The following EFNB2 variants were observed in gnomAD, a reference collection of about 807,000 sequenced individuals.
EFNB2 encodes the protein ephrin-B2.
In EFNB2, 5 loss-of-function variants were observed where a neutral mutation model predicts 32.1. The ratio of observed to expected loss-of-function variants is 0.16; its 90% CI spans 0.08 to 0.33. The LOEUF is 0.33. Ranked by LOEUF, EFNB2 falls within the 10% of genes least tolerant of loss-of-function variation. The pLI is 1.00. For synonymous variants in EFNB2, 168 were observed against 166.5 expected (o/e 1.01, Z -0.07); for missense variants, 263 against 422.6 (o/e 0.62, Z 3.31).
At chr13:106,503,038 G>A (rs1878834838) in intron 2 of EFNB2, among the ~76,000 whole-genome samples, 1 of 152,100 alleles carries the variant, frequency 6.6e-6, no homozygotes. Context: ...TTTTTTGTTT[G>A]TTTGTTTTGC....
At chr13:106,501,564 G>A (rs942113533) in intron 2 of EFNB2, among the ~76,000 whole-genome samples, 18 of 150,896 alleles carry the variant, frequency 1.2e-4, no homozygotes, top group African/African-American at 4.4e-4. Flanking sequence ...GGCCTCACTT[G>A]AAGAAAGAAA....
rs958782701 is a variant in EFNB2 at position 106,534,851 on chromosome 13, C to A, written c.114G>T (p.Ser38=). 8 of 1,611,432 alleles carry A rather than the reference C, an allele frequency of 5.0e-6. No homozygotes were observed. Among genetic ancestry groups the A allele is most frequent in the Middle Eastern group, 3.3e-4 (2 of 6,074 alleles). Reference sequence around the variant, plus strand: ...TCGCGGACGCCACTTACTTGGAGTTCGAGGAATTCCAATAGATAGGCTCTA... The same window carrying A: ...TCGCGGACGCCACTTACTTGGAGTTAGAGGAATTCCAATAGATAGGCTCTA... ...IVLEPIYWNS[S]NSKFLPGQGL... The change falls in exon 1 of 5, where the codon TCG becomes TCT. Residue 38 remains serine, a synonymous_variant. Transcript: ENST00000646441.
chr13:106,530,748 G>A (rs1444352872), intron 1 of EFNB2, among the ~76,000 whole-genome samples: 2 of 152,016 alleles, frequency 1.3e-5, no homozygotes, highest in African/African-American at 4.8e-5. Flanking sequence ...CTAAAACGTC[G>A]CCCGAAGTTT....
chr13:106,524,398 C>T (rs976747040), intron 1 of EFNB2, among the ~76,000 whole-genome samples: 4 of 152,194 alleles, frequency 2.6e-5, no homozygotes, highest in South Asian at 2.1e-4. Flanking sequence ...TTTAAATCCA[C>T]TTATTAGTTC....
At position 106,495,015 on chromosome 13, in the gene EFNB2, T is replaced by TTA. The variant is rs768416699; in HGVS notation, c.500-22_500-21insTA. The TTA allele has an allele frequency of 3.2e-6, 5 of 1,583,246 alleles. No individual in the cohort carries two copies. The African/African-American group carries it at 5.4e-5, about 17-fold the overall frequency. ...TGCATCTATATGAAAAACAAATGAT[T>TTA]AATTACGGCACAGACATCTGACAAT... On this transcript the variant is annotated intron_variant, in intron 3 of 4. Transcript: ENST00000646441.
intron 1 of EFNB2, among the ~76,000 whole-genome samples, chr13:106,523,565 G>A (rs1463955470): frequency 1.3e-5 from 2 of 152,158 alleles, no homozygotes; most frequent in East Asian, 3.9e-4. Context: ...GCGGCTGCAT[G>A]GTCTCCAGGT....
In EFNB2 at chr13:106,498,574, A is replaced by G. The variant is rs1337119449; in HGVS notation, c.407-2734T>C. ...TTGGAATCTATAATTTAACATCCAC[A>G]GACTATAAGACAGTAGGAGGAAGGC... is the stretch of plus-strand genomic sequence containing the variant. On this transcript the variant is annotated intron_variant, in intron 2 of 4. Coordinates refer to ENST00000646441, the MANE Select transcript of EFNB2 (RefSeq NM_004093.4). Among the ~76,000 whole-genome samples, 5 of 152,222 alleles carry G rather than the reference A, an allele frequency of 3.3e-5. No individual in the cohort carries two copies. In the East Asian group the frequency reaches 9.6e-4, roughly 29 times the overall value.
intron 1 of EFNB2, among the ~76,000 whole-genome samples, chr13:106,534,313 C>T (rs965261639): frequency 3.9e-5 from 6 of 152,178 alleles, no homozygotes; most frequent in Non-Finnish European, 8.8e-5. Flanking sequence ...TGCCAAGGCG[C>T]CCCGGCTCCA....
At position 106,493,921 on chromosome 13, in the gene EFNB2, A is replaced by G. The variant is rs1878503983; in HGVS notation, c.614-493T>C. ...CAGAACAGCTCGGGAACGCGGAAGGAGTGAGGGGGCCTGGGAAAATGTTCA... is the reference window on the plus strand; with the variant it reads ...CAGAACAGCTCGGGAACGCGGAAGGGGTGAGGGGGCCTGGGAAAATGTTCA... On this transcript the variant is annotated intron_variant, in intron 4 of 4. Transcript: ENST00000646441. This position sits in a 1 kb window ranked among gnomAD's most constrained non-coding sequence, Gnocchi z 6.1. 6.6e-6 allele frequency among the ~76,000 whole-genome samples: 1 copy of G among 152,216 alleles called. No homozygotes were observed. Among genetic ancestry groups the G allele is most frequent in the East Asian group, 1.9e-4 (1 of 5,204 alleles).
intron 2 of EFNB2, among the ~76,000 whole-genome samples, chr13:106,499,314 C>T (rs1192830329): frequency 6.6e-6 from 1 of 151,856 alleles, no homozygotes; most frequent in East Asian, 1.9e-4. Context: ...TCCTTCCTGG[C>T]AGCGAACTCT....
chr13:106,510,419 C>T (rs1879101817), intron 2 of EFNB2, among the ~76,000 whole-genome samples: 2 of 152,230 alleles, frequency 1.3e-5, no homozygotes, highest in African/African-American at 4.8e-5. Flanking sequence ...TCCACTTGCG[C>T]CCAGTGCGAA....
At chr13:106,510,855 T>C (rs1169532450) in intron 2 of EFNB2, among the ~76,000 whole-genome samples, 10 of 151,954 alleles carry the variant, frequency 6.6e-5, no homozygotes, top group African/African-American at 2.4e-4. Flanking sequence ...TGACTAAAAA[T>C]ACAAAAATTA....
At chr13:106,532,973 C>T (rs973828471) in intron 1 of EFNB2, among the ~76,000 whole-genome samples, 4 of 152,094 alleles carry the variant, frequency 2.6e-5, no homozygotes, top group African/African-American at 9.7e-5. Context: ...TCTAATTCTC[C>T]TACCGGATAC....
intron 1 of EFNB2, among the ~76,000 whole-genome samples, chr13:106,522,549 A>C (rs920640236): frequency 6.6e-6 from 1 of 152,230 alleles, no homozygotes. Context: ...CATACAGGGA[A>C]TGCCTTGGCA....
At chr13:106,522,490 T>C (rs1879556830) in intron 1 of EFNB2, among the ~76,000 whole-genome samples, 1 of 152,222 alleles carries the variant, frequency 6.6e-6, no homozygotes, top group Non-Finnish European at 1.5e-5. Context: ...ATCCATTTGC[T>C]CATTTACCTG....
chr13:106,507,824 A>G (rs1331014781), intron 2 of EFNB2, among the ~76,000 whole-genome samples: 1 of 152,210 alleles, frequency 6.6e-6, no homozygotes, highest in East Asian at 1.9e-4. Flanking sequence ...AGTCCTTCGG[A>G]AAGATGACTT....
chr13:106,504,155 G>A (rs1406554683), intron 2 of EFNB2, among the ~76,000 whole-genome samples: 1 of 152,226 alleles, frequency 6.6e-6, no homozygotes, highest in East Asian at 1.9e-4. Context: ...AGCTGGGAAA[G>A]GGTCAGAGTA....
chr13:106,530,318 A>C lies in EFNB2; in HGVS notation c.122+4525T>G, dbSNP rs9555254. ...CTGAAAGAGCTAATTCCTGACTAGA[A>C]GCTTATAGTTCTATGGGTTCTGCAT... is the stretch of plus-strand genomic sequence containing the variant. On this transcript the variant is annotated intron_variant, in intron 1 of 4. Transcript: ENST00000646441. 2.6e-3 allele frequency among the ~76,000 whole-genome samples: 391 copies of C among 152,268 alleles called. 6 individuals are homozygous for C. The East Asian group carries it at 0.044, about 17-fold the overall frequency.
intron 2 of EFNB2, among the ~76,000 whole-genome samples, chr13:106,508,036 G>A (rs562972755): frequency 6.6e-6 from 1 of 152,342 alleles, no homozygotes; most frequent in South Asian, 2.1e-4. Flanking sequence ...TTTTGGTAGT[G>A]TGACGAAAAC....
Sources: gnomAD v4.1 joint callset for allele counts (sites outside exome capture counted in the v4.1 genomes callset) on GRCh38, gnomAD v4.1.1 for gene constraint, Gnocchi (gnomAD v3.1) non-coding constraint, MANE v1.5 for transcripts, NCBI Gene and HGNC (gene_info 2026-07-23, HGNC 2026-07-21) for gene names.